CNTNAP5: variants seen among roughly 807,000 people sequenced by gnomAD.
The protein encoded by CNTNAP5 is contactin-associated protein-like 5.
Under a neutral mutation model 150.2 loss-of-function variants are expected in CNTNAP5, and 72 were observed. The observed-to-expected ratio is 0.48, with a 90% CI of 0.40 to 0.58. The LOEUF is 0.58. Among genes scored for constraint, CNTNAP5 ranks in the 20% least tolerant of loss-of-function variants. CNTNAP5 has a pLI of 0.00. For synonymous variants in CNTNAP5, 672 were observed against 619.8 expected (o/e 1.08, Z -1.25); for missense variants, 1,636 against 1,626.2 (o/e 1.01, Z -0.10).
At position 124,578,785 on chromosome 2, in the gene CNTNAP5, G is replaced by GTAAATAAA. The variant is rs530725325; in HGVS notation, c.1756+15484_1756+15491dup. Among the ~76,000 whole-genome samples the GTAAATAAA allele has an allele frequency of 1.3e-4, 19 of 151,610 alleles. No homozygotes were observed. The East Asian group carries it at 2.3e-3, about 19-fold the overall frequency. ...GAGACCCTGTCTCAAAAATAAATAAGTAAATAAATAAATAAATAAATAAAT... is the reference window on the plus strand; with the variant it reads ...GAGACCCTGTCTCAAAAATAAATAAGTAAATAAATAAATAAATAAATAAATAAATAAAT... On this transcript the variant is annotated intron_variant, in intron 11 of 23. Transcript: ENST00000682447.
chr2:124,658,775 T>C lies in CNTNAP5; in HGVS notation c.2077+10817T>C, dbSNP rs190253192. Among the ~76,000 whole-genome samples the C allele has an allele frequency of 1.0e-3, 154 of 152,330 alleles. 1 individual carries two copies. The highest frequency in any genetic ancestry group is 1.9e-3 in the Non-Finnish European group (129 of 68,034). ...GTATTTTCTTTATAAACAAACATAT[T>C]TGGTGGCTTACGGGGTAGATATGGA... On this transcript the variant is annotated intron_variant, in intron 13 of 23. Transcript: ENST00000682447.
chr2:124,396,276 C>T (rs769240063), intron 3 of CNTNAP5, among the ~76,000 whole-genome samples: 1 of 152,156 alleles, frequency 6.6e-6, no homozygotes, highest in Non-Finnish European at 1.5e-5. Flanking sequence ...AAAGTATAAA[C>T]AGGGCCTGAG....
At chr2:124,485,631 A>AAAAAAAAAAAAAGAAGAAG (rs1457112306) in intron 7 of CNTNAP5, among the ~76,000 whole-genome samples, 6 of 134,248 alleles carry the variant, frequency 4.5e-5, no homozygotes, top group South Asian at 2.8e-4. Flanking sequence ...AAAAAAAAAA[A>AAAAAAAAAAAAAGAAGAAG]AAAGAAGAAG....
At chr2:124,372,361 C>G (rs1690548740) in intron 3 of CNTNAP5, among the ~76,000 whole-genome samples, 1 of 152,050 alleles carries the variant, frequency 6.6e-6, no homozygotes, top group Non-Finnish European at 1.5e-5. Context: ...TGCAGACCGC[C>G]TATGGTGGGA....
At chr2:124,538,090 C>T (rs912646336) in intron 10 of CNTNAP5, among the ~76,000 whole-genome samples, 18 of 152,102 alleles carry the variant, frequency 1.2e-4, no homozygotes, top group Admixed American at 3.9e-4. Context: ...TGTATTTTTG[C>T]GATTGAGGTA....
intron 3 of CNTNAP5, among the ~76,000 whole-genome samples, chr2:124,408,721 C>G (rs1183262075): frequency 1.2e-3 from 188 of 150,512 alleles, no homozygotes; most frequent in Non-Finnish European, 2.2e-3. Context: ...ACATCCACAC[C>G]AAAAACCCAT....
intron 18 of CNTNAP5, among the ~76,000 whole-genome samples, chr2:124,795,608 C>G (rs1458574518): frequency 1.3e-5 from 2 of 152,180 alleles, no homozygotes; most frequent in African/African-American, 4.8e-5. Flanking sequence ...ACTCACGCCT[C>G]CTGGGTTCAA....
In CNTNAP5 at chr2:124,174,192, G is replaced by A. The variant is rs542759467; in HGVS notation, c.83-47513G>A. On this transcript the variant is annotated intron_variant, in intron 1 of 23. Coordinates refer to ENST00000682447, the MANE Select transcript of CNTNAP5 (RefSeq NM_001367498.1). Reference sequence around the variant, plus strand: ...GTTACCCAAGATCTCTGATAAAAATGTTCAAGGAAGTTAGTGTGTTTTCAT... The same window carrying A: ...GTTACCCAAGATCTCTGATAAAAATATTCAAGGAAGTTAGTGTGTTTTCAT... 3.3e-5 allele frequency among the ~76,000 whole-genome samples: 5 copies of A among 151,812 alleles called. No homozygotes were observed. In the Middle Eastern group the frequency reaches 0.014, roughly 416 times the overall value.
chr2:124,042,831 A>G (rs1490583528), intron 1 of CNTNAP5, among the ~76,000 whole-genome samples: 3 of 128,754 alleles, frequency 2.3e-5, no homozygotes, highest in Admixed American at 7.8e-5. Flanking sequence ...TCTATCTATC[A>G]TCTATGTTTG....
At chr2:124,542,028 A>G (rs1695398439) in intron 10 of CNTNAP5, among the ~76,000 whole-genome samples, 1 of 152,020 alleles carries the variant, frequency 6.6e-6, no homozygotes. Flanking sequence ...ATTCCTTTAG[A>G]CAGGGTTTGC....
At chr2:124,177,126 G>T (rs1286387976) in intron 1 of CNTNAP5, among the ~76,000 whole-genome samples, 1 of 152,076 alleles carries the variant, frequency 6.6e-6, no homozygotes, top group African/African-American at 2.4e-5. Flanking sequence ...GGGACTATAG[G>T]TGTGAATCAC....
rs143185366 is a variant in CNTNAP5, at chr2:124,165,687, A to G, written c.83-56018A>G. Among the ~76,000 whole-genome samples the G allele has an allele frequency of 1.4e-3, 214 of 152,270 alleles. 2 individuals carry two copies. The highest frequency in any genetic ancestry group is 4.9e-3 in the African/African-American group (204 of 41,568). On this transcript the variant is annotated intron_variant, in intron 1 of 23. Transcript: ENST00000682447. Reference sequence around the variant, plus strand: ...GGTGCTCAGGCTGAAGAATGCCTGCAATCCTCTATCTCTGCTTTTAAGTCA... The same window carrying G: ...GGTGCTCAGGCTGAAGAATGCCTGCGATCCTCTATCTCTGCTTTTAAGTCA...
At chr2:124,806,050 C>T (rs1212804897) in intron 19 of CNTNAP5, among the ~76,000 whole-genome samples, 1 of 152,174 alleles carries the variant, frequency 6.6e-6, no homozygotes, top group African/African-American at 2.4e-5. Flanking sequence ...TTCTATAATA[C>T]CTGCCATGTG....
intron 2 of CNTNAP5, among the ~76,000 whole-genome samples, chr2:124,227,389 G>A (rs919395484): frequency 4.6e-5 from 7 of 151,894 alleles, no homozygotes; most frequent in Non-Finnish European, 8.8e-5. Flanking sequence ...CCTTCTAAAT[G>A]TCCAAACACC....
chr2:124,265,864 C>T (rs1041742296), intron 3 of CNTNAP5, among the ~76,000 whole-genome samples: 1 of 151,864 alleles, frequency 6.6e-6, no homozygotes, highest in Non-Finnish European at 1.5e-5. Context: ...AGTCAGGTTA[C>T]GGGTCAGTGC....
At chr2:124,823,944 G>A (rs1199132904) in intron 19 of CNTNAP5, among the ~76,000 whole-genome samples, 3 of 149,546 alleles carry the variant, frequency 2.0e-5, no homozygotes, top group Admixed American at 2.0e-4. Flanking sequence ...TTGAGACGGA[G>A]TTTTACTCTT....
Position 124,706,819 on chromosome 2 carries a change from G to A in CNTNAP5, c.2078-40410G>A, listed in dbSNP as rs1311508323. Among the ~76,000 whole-genome samples, 70 of 7,356 alleles carry A rather than the reference G, an allele frequency of 9.5e-3. 3 individuals are homozygous for A. Among genetic ancestry groups the A allele is most frequent in the African/African-American group, 0.025 (56 of 2,240 alleles). 4.8% of individuals were successfully genotyped at this position (7,356 alleles called of 152,430 possible). Reference sequence around the variant, plus strand: ...GAAGGAGGAGGAGGAGGAGGAGGAGGAGGAGGAAGAGGAGGAGGGGGAGGA... The same window carrying A: ...GAAGGAGGAGGAGGAGGAGGAGGAGAAGGAGGAAGAGGAGGAGGGGGAGGA... On this transcript the variant is annotated intron_variant, in intron 13 of 23. Coordinates refer to ENST00000682447, the MANE Select transcript of CNTNAP5 (RefSeq NM_001367498.1).
At chr2:124,429,135 T>A (rs1692309466) in intron 4 of CNTNAP5, among the ~76,000 whole-genome samples, 1 of 152,206 alleles carries the variant, frequency 6.6e-6, no homozygotes, top group South Asian at 2.1e-4. Flanking sequence ...TAATAGTTTA[T>A]CTCTTATTAA....
intron 11 of CNTNAP5, among the ~76,000 whole-genome samples, chr2:124,582,757 A>G (rs1696443107): frequency 6.6e-6 from 1 of 152,236 alleles, no homozygotes; most frequent in Non-Finnish European, 1.5e-5. Flanking sequence ...ACATTTTAGG[A>G]AAAAGACAAT....
Sources: allele counts gnomAD v4.1 joint callset (sites outside exome capture counted in the v4.1 genomes callset), GRCh38; gene constraint gnomAD v4.1.1; transcripts MANE v1.5; gene names NCBI Gene and HGNC (gene_info 2026-07-23, HGNC 2026-07-21).